Variants in AGAP1 observed in about 807,000 individuals in gnomAD.
The protein encoded by AGAP1 is ArfGAP with GTPase domain, ankyrin repeat and PH domain 1.
A neutral mutation model predicts 105.3 loss-of-function variants in AGAP1; 29 were observed. The ratio of observed to expected loss-of-function variants is 0.28; its 90% CI spans 0.21 to 0.38. The LOEUF is 0.38. AGAP1 is among the 10% of genes least tolerant of loss of function. AGAP1 has a pLI of 1.00. For missense variants in AGAP1, 998 were observed against 1,165.1 expected (o/e 0.86, Z 2.09); for synonymous variants, 509 against 485.9 (o/e 1.05, Z -0.63).
chr2:235,616,560 G>A (rs78151401), intron 1 of AGAP1, among the ~76,000 whole-genome samples: 6,250 of 152,028 alleles, frequency 0.041, 374 homozygotes, highest in African/African-American at 0.14. Flanking sequence ...CCTCTGACCT[G>A]GCAATTTCAT....
At chr2:235,756,850 A>G (rs990372749) in intron 6 of AGAP1, among the ~76,000 whole-genome samples, 5 of 152,044 alleles carry the variant, frequency 3.3e-5, no homozygotes, top group African/African-American at 9.7e-5. Context: ...TTTCATCCCA[A>G]AACCATCCCC....
At position 235,509,601 on chromosome 2, in the gene AGAP1, G is replaced by A. The variant is rs565455916; in HGVS notation, c.163+14752G>A. On this transcript the variant is annotated intron_variant, in intron 1 of 17. Transcript: ENST00000304032. ...TACCATTTGATGAGTTTTGACCCCTGTAGCTACAACTGAGGTATGGAAGGC... is the reference window on the plus strand; with the variant it reads ...TACCATTTGATGAGTTTTGACCCCTATAGCTACAACTGAGGTATGGAAGGC... Among the ~76,000 whole-genome samples, 3 of 152,166 alleles carry A rather than the reference G, an allele frequency of 2.0e-5. No individual in the cohort carries two copies. In the East Asian group the frequency reaches 5.8e-4, roughly 29 times the overall value.
At chr2:235,885,386 G>A (rs1198554592) in intron 10 of AGAP1, among the ~76,000 whole-genome samples, 1 of 152,186 alleles carries the variant, frequency 6.6e-6, no homozygotes. Context: ...TTTACTTTCA[G>A]TTTTTTCACT....
intron 9 of AGAP1, among the ~76,000 whole-genome samples, chr2:235,812,001 C>T (rs1401262379): frequency 6.6e-6 from 1 of 152,100 alleles, no homozygotes; most frequent in Admixed American, 6.5e-5. Context: ...TGCTGGGGAT[C>T]CTTTTCTTGC....
Position 236,006,070 on chromosome 2 carries a change from T to C in AGAP1, c.1646-30491T>C, listed in dbSNP as rs181813643. Among the ~76,000 whole-genome samples, 500 of 152,334 alleles carry C rather than the reference T, an allele frequency of 3.3e-3. 2 individuals carry two copies. The highest frequency in any genetic ancestry group is 5.3e-3 in the Non-Finnish European group (362 of 68,032). On this transcript the variant is annotated intron_variant, in intron 13 of 17. Coordinates refer to ENST00000304032, the MANE Select transcript of AGAP1 (RefSeq NM_001037131.3). Reference sequence around the variant, plus strand: ...TGTTTCTCTCCCCCATTTATGACTATATTCAGTTGTCTATTTGTATTCATG... The same window carrying C: ...TGTTTCTCTCCCCCATTTATGACTACATTCAGTTGTCTATTTGTATTCATG...
At chr2:235,997,351 A>T (rs2055862561) in intron 13 of AGAP1, among the ~76,000 whole-genome samples, 1 of 152,228 alleles carries the variant, frequency 6.6e-6, no homozygotes, top group African/African-American at 2.4e-5. Context: ...GGCCTCCCAA[A>T]GTGGGGATTA....
At chr2:235,771,732 A>T (rs761645440) in intron 6 of AGAP1, among the ~76,000 whole-genome samples, 2 of 152,006 alleles carry the variant, frequency 1.3e-5, no homozygotes, top group Non-Finnish European at 2.9e-5. Flanking sequence ...TCCTTCTTCC[A>T]ACTCACTCCT....
rs1945118275 is a variant in AGAP1 at position 235,586,524 on chromosome 2, A to C, written c.163+91675A>C. On this transcript the variant is annotated intron_variant, in intron 1 of 17. Transcript: ENST00000304032. This position sits in a 1 kb window ranked among gnomAD's most constrained non-coding sequence, Gnocchi z 4.2. ...CGAGCAAGTATTTTGAGTGCTCCTT[A>C]TGTCCATGCAGAGGCTGACTCCAGA... 6.6e-6 allele frequency among the ~76,000 whole-genome samples: 1 copy of C among 152,212 alleles called. No homozygotes were observed. The highest frequency in any genetic ancestry group is 2.1e-4 in the South Asian group (1 of 4,828).
chr2:236,014,540 C>G lies in AGAP1; in HGVS notation c.1646-22021C>G, dbSNP rs2056626959. Among the ~76,000 whole-genome samples, 2 of 152,136 alleles carry G rather than the reference C, an allele frequency of 1.3e-5. No homozygotes were observed. The highest frequency in any genetic ancestry group is 2.9e-5 in the Non-Finnish European group (2 of 68,038). ...AAACCCAGCAGGGCGAAGCAGACTT[C>G]TGCGCGTGGGTAGTTCTTTGACGTT... On this transcript the variant is annotated intron_variant, in intron 13 of 17. Transcript: ENST00000304032. This position sits in a 1 kb window ranked among gnomAD's most constrained non-coding sequence, Gnocchi z 6.3.
chr2:235,753,621 G>A lies in AGAP1; in HGVS notation c.673+3133G>A, dbSNP rs992683553. ...CTCAGGAAGCCAAGGCAGGAGAATC[G>A]CTTGAACCTGGGAGGCGGAGGTTGC... On this transcript the variant is annotated intron_variant, in intron 6 of 17. Transcript: ENST00000304032. The surrounding 1 kb of genome is among the most constrained non-coding windows in gnomAD (Gnocchi z 4.5). Among the ~76,000 whole-genome samples, 1 of 151,800 alleles carries A rather than the reference G, an allele frequency of 6.6e-6. No homozygotes were observed. The highest frequency in any genetic ancestry group is 2.4e-5 in the African/African-American group (1 of 41,280).
At chr2:235,542,220 G>C (rs76685746) in intron 1 of AGAP1, among the ~76,000 whole-genome samples, 3,701 of 151,522 alleles carry the variant, frequency 0.024, 74 homozygotes, top group African/African-American at 0.026. Context: ...TGGGTCCCGG[G>C]GGGGGGCCAG....
rs2058755802 is a variant in AGAP1, at chr2:236,080,565, T to G, written c.2114+31284T>G. ...CTGTATCTTGTACACGTTTCATCCA[T>G]CCAGCTTTTAGCCTCTCAATCCTTC... On this transcript the variant is annotated intron_variant, in intron 16 of 17. Transcript: ENST00000304032. This position sits in a 1 kb window ranked among gnomAD's most constrained non-coding sequence, Gnocchi z 4.2. Among the ~76,000 whole-genome samples, 1 of 152,234 alleles carries G rather than the reference T, an allele frequency of 6.6e-6. No individual in the cohort carries two copies. Among genetic ancestry groups the G allele is most frequent in the Non-Finnish European group, 1.5e-5 (1 of 68,036 alleles).
At chr2:235,668,355 AC>A (rs1948198921) in intron 1 of AGAP1, among the ~76,000 whole-genome samples, 1 of 152,192 alleles carries the variant, frequency 6.6e-6, no homozygotes, top group Non-Finnish European at 1.5e-5. Flanking sequence ...AGTGTCGTGA[AC>A]ACAATAGGTA....
rs1189270012 is a variant in AGAP1, at chr2:235,665,042, A to G, written c.164-44137A>G. Among the ~76,000 whole-genome samples, 2 of 152,122 alleles carry G rather than the reference A, an allele frequency of 1.3e-5. No individual in the cohort carries two copies. The highest frequency in any genetic ancestry group is 4.8e-5 in the African/African-American group (2 of 41,406). ...TCGAGACCAGCCTGGGCAACATGGC[A>G]AGACCCTCCTCTCTACAAAAAAATT... is the stretch of plus-strand genomic sequence containing the variant. On this transcript the variant is annotated intron_variant, in intron 1 of 17. Coordinates refer to ENST00000304032, the MANE Select transcript of AGAP1 (RefSeq NM_001037131.3). This position sits in a 1 kb window ranked among gnomAD's most constrained non-coding sequence, Gnocchi z 5.3.
chr2:235,593,514 G>A (rs1356110685), intron 1 of AGAP1, among the ~76,000 whole-genome samples: 2 of 152,072 alleles, frequency 1.3e-5, no homozygotes, highest in East Asian at 1.9e-4. Flanking sequence ...TAAAATCTTC[G>A]AGGTTTTTGC....
At chr2:235,521,700 C>T (rs547705579) in intron 1 of AGAP1, among the ~76,000 whole-genome samples, 9 of 149,024 alleles carry the variant, frequency 6.0e-5, no homozygotes, top group African/African-American at 1.0e-4. Context: ...TATTAATAGA[C>T]GTTGGGATCG....
rs1424750535 is a variant in AGAP1 at position 235,983,605 on chromosome 2, G to T, written c.1645+14982G>T. Among the ~76,000 whole-genome samples the T allele has an allele frequency of 6.6e-6, 1 of 152,142 alleles. No individual in the cohort carries two copies. Among genetic ancestry groups the T allele is most frequent in the Non-Finnish European group, 1.5e-5 (1 of 68,036 alleles). ...AACATTTTGTTCAATGATGGACCAAGTAATGTGATGGTGGTCCCATGAGAT... is the reference window on the plus strand; with the variant it reads ...AACATTTTGTTCAATGATGGACCAATTAATGTGATGGTGGTCCCATGAGAT... On this transcript the variant is annotated intron_variant, in intron 13 of 17. Transcript: ENST00000304032. This position sits in a 1 kb window ranked among gnomAD's most constrained non-coding sequence, Gnocchi z 4.5.
In AGAP1 at chr2:235,702,934, G is replaced by GTTTTTTTTTTTTTTTTTTTTTTTTTTTT. The variant is rs549844265; in HGVS notation, c.164-6233_164-6232insTTTTTTTTTTTTTTTTTTTTTTTTTTTT. ...TGGTCACTGTGAGCCAGTTTTCTTG[G>GTTTTTTTTTTTTTTTTTTTTTTTTTTTT]TTTTTTTTTTTTGGACAGAGTCTGG... On this transcript the variant is annotated intron_variant, in intron 1 of 17. Coordinates refer to ENST00000304032, the MANE Select transcript of AGAP1 (RefSeq NM_001037131.3). 9.2e-4 allele frequency among the ~76,000 whole-genome samples: 82 copies of GTTTTTTTTTTTTTTTTTTTTTTTTTTTT among 88,934 alleles called. 20 individuals are homozygous for GTTTTTTTTTTTTTTTTTTTTTTTTTTTT. Among genetic ancestry groups the GTTTTTTTTTTTTTTTTTTTTTTTTTTTT allele is most frequent in the East Asian group, 5.8e-3 (10 of 1,734 alleles). 58.3% of individuals were successfully genotyped at this position (88,934 alleles called of 152,430 possible).
chr2:235,761,502 C>A (rs1446091716), intron 6 of AGAP1, among the ~76,000 whole-genome samples: 2 of 152,196 alleles, frequency 1.3e-5, no homozygotes, highest in Admixed American at 1.3e-4. Flanking sequence ...GGTATCATAG[C>A]TGTGTTTTGC....
Sources: gnomAD v4.1 joint callset for allele counts (sites outside exome capture counted in the v4.1 genomes callset) on GRCh38, gnomAD v4.1.1 for gene constraint, Gnocchi (gnomAD v3.1) non-coding constraint, MANE v1.5 for transcripts, NCBI Gene and HGNC (gene_info 2026-07-23, HGNC 2026-07-21) for gene names.